The following WDR70 variants were observed in gnomAD, a reference collection of about 807,000 sequenced individuals.
The protein encoded by WDR70 is WD repeat domain 70.
A neutral mutation model predicts 88.6 loss-of-function variants in WDR70; 53 were observed. The ratio of observed to expected loss-of-function variants is 0.60; its 90% CI spans 0.48 to 0.75. WDR70 has a LOEUF of 0.75. Ranked by LOEUF, WDR70 falls within the 30% of genes least tolerant of loss-of-function variation. WDR70 has a pLI of 0.00. For missense variants in WDR70, 610 were observed against 823.2 expected (o/e 0.74, Z 3.17); for synonymous variants, 280 against 270.0 (o/e 1.04, Z -0.36).
chr5:37,632,246 A>G (rs917595617), intron 10 of WDR70, among the ~76,000 whole-genome samples: 2 of 152,242 alleles, frequency 1.3e-5, no homozygotes, highest in Admixed American at 6.6e-5. Context: ...GAGCAGATAC[A>G]GTTATGTATA....
At chr5:37,731,961 T>C (rs1270415257) in intron 17 of WDR70, among the ~76,000 whole-genome samples, 4 of 151,058 alleles carry the variant, frequency 2.6e-5, no homozygotes, top group Admixed American at 2.6e-4. Context: ...GCCTTAGAAT[T>C]TCCAGGTTAT....
At chr5:37,693,562 A>G (rs758384058) in intron 10 of WDR70, among the ~76,000 whole-genome samples, 84 of 152,158 alleles carry the variant, frequency 5.5e-4, no homozygotes, top group Non-Finnish European at 1.0e-3. Context: ...CACATCTACA[A>G]CCATCTGATC....
chr5:37,506,405 G>A (rs1420499913), intron 8 of WDR70: 4 of 775,596 alleles, frequency 5.2e-6, no homozygotes, highest in Non-Finnish European at 9.5e-6. Context: ...CATGACACAA[G>A]TAGTTCAAAG....
intron 10 of WDR70, among the ~76,000 whole-genome samples, chr5:37,686,951 A>AAAAAAT (rs1200697489): frequency 3.5e-5 from 5 of 143,082 alleles, no homozygotes; most frequent in African/African-American, 1.3e-4. Context: ...CTCTGTCTCA[A>AAAAAAT]AATAATAATA....
intron 9 of WDR70, among the ~76,000 whole-genome samples, chr5:37,564,289 C>T (rs1051306774): frequency 9.2e-5 from 14 of 152,300 alleles, no homozygotes; most frequent in South Asian, 4.1e-4. Flanking sequence ...CTCGGGAGGC[C>T]GAGGCTGGCA....
chr5:37,557,901 A>ATACTCTTTTGAAAACTCTCCAAAAGAG (rs1742340565), intron 9 of WDR70, among the ~76,000 whole-genome samples: 1 of 30,806 alleles, frequency 3.2e-5, no homozygotes, highest in Admixed American at 3.5e-4. Flanking sequence ...CTTCAGATTT[A>ATACTCTTTTGAAAACTCTCCAAAAGAG]TACTCTTTTG....
intron 10 of WDR70, among the ~76,000 whole-genome samples, chr5:37,686,696 A>T (rs1183247881): frequency 6.6e-6 from 1 of 152,022 alleles, no homozygotes; most frequent in Admixed American, 6.6e-5. Flanking sequence ...ATGCATTTTG[A>T]ATTTCCAGAG....
chr5:37,600,567 T>G (rs1581426058), intron 9 of WDR70, among the ~76,000 whole-genome samples: 1 of 141,340 alleles, frequency 7.1e-6, no homozygotes, highest in Admixed American at 7.0e-5. Flanking sequence ...TTCAATAAAA[T>G]GACAACCTAA....
intron 17 of WDR70, among the ~76,000 whole-genome samples, chr5:37,746,932 T>C (rs1217083723): frequency 6.6e-6 from 1 of 152,128 alleles, no homozygotes; most frequent in African/African-American, 2.4e-5. Flanking sequence ...GCCAGCATCA[T>C]CTTGATACCA....
intron 9 of WDR70, among the ~76,000 whole-genome samples, chr5:37,527,907 T>C (rs1246794246): frequency 6.6e-6 from 1 of 152,064 alleles, no homozygotes; most frequent in African/African-American, 2.4e-5. Flanking sequence ...ATCAGAGAAA[T>C]TCAAATCAAA....
intron 9 of WDR70, among the ~76,000 whole-genome samples, chr5:37,584,879 C>T (rs1743320775): frequency 6.6e-6 from 1 of 151,466 alleles, no homozygotes; most frequent in Non-Finnish European, 1.5e-5. Context: ...TCCCAAATAT[C>T]CCATATTCCA....
intron 7 of WDR70, among the ~76,000 whole-genome samples, chr5:37,464,755 C>T (rs1561862380): frequency 6.6e-6 from 1 of 152,204 alleles, no homozygotes. Context: ...GTGCTGCTGA[C>T]TGCTGTGCAC....
At position 37,516,587 on chromosome 5, in the gene WDR70, AT is replaced by A. The variant is rs1740891313; in HGVS notation, c.915del (p.Asp305GlufsTer4). On this transcript the variant is annotated frameshift_variant and splice_region_variant, in exon 9 of 18. Transcript: ENST00000265107. LOFTEE classifies it high-confidence loss of function. ...GGAGAATTTATGACTTGCTCAAATG[AT>A]GCGTGAGTATTGTTGATAATTCATC... ...IKGEFMTCSN[D>X]ATVRTWEVEN... The A allele has an allele frequency of 6.3e-7, 1 of 1,597,370 alleles. No individual in the cohort carries two copies. Among genetic ancestry groups the A allele is most frequent in the Non-Finnish European group, 8.6e-7 (1 of 1,167,132 alleles).
chr5:37,480,098 G>A, intron 8 of WDR70, 111 bp downstream of exon 8: 4 of 1,320,668 alleles, frequency 3.0e-6, no homozygotes, highest in Non-Finnish European at 4.1e-6. Context: ...TAAAACAATA[G>A]CAATTTATTT....
chr5:37,599,309 A>G (rs1242633704), intron 9 of WDR70, among the ~76,000 whole-genome samples: 3 of 152,366 alleles, frequency 2.0e-5, no homozygotes, highest in African/African-American at 7.2e-5. Flanking sequence ...CACTAAGAAT[A>G]CAGTTGCATT....
At chr5:37,597,633 G>A (rs886515625) in intron 9 of WDR70, among the ~76,000 whole-genome samples, 19 of 152,064 alleles carry the variant, frequency 1.2e-4, no homozygotes, top group African/African-American at 4.6e-4. Context: ...GGCTTTCTTG[G>A]TTTCTCTACC....
At chr5:37,465,664 T>C (rs1739129868) in intron 7 of WDR70, among the ~76,000 whole-genome samples, 1 of 150,736 alleles carries the variant, frequency 6.6e-6, no homozygotes, top group South Asian at 2.1e-4. Context: ...ATGAGTTTTT[T>C]TTTTTTTTTT....
intron 9 of WDR70, among the ~76,000 whole-genome samples, chr5:37,557,467 G>GT (rs1180171098): frequency 2.0e-5 from 3 of 152,220 alleles, no homozygotes; most frequent in Admixed American, 2.0e-4. Flanking sequence ...CACTTGCTAT[G>GT]TGCCAGGTGA....
chr5:37,427,419 C>T (rs1750163829), intron 5 of WDR70, among the ~76,000 whole-genome samples: 1 of 151,784 alleles, frequency 6.6e-6, no homozygotes, highest in Non-Finnish European at 1.5e-5. Context: ...AAAAGAAACA[C>T]GTCATTTCAT....
Sources: gnomAD v4.1 joint callset for allele counts (sites outside exome capture counted in the v4.1 genomes callset) on GRCh38, gnomAD v4.1.1 for gene constraint, MANE v1.5 for transcripts, NCBI Gene and HGNC (gene_info 2026-07-23, HGNC 2026-07-21) for gene names.